Variants in EVI5 observed in about 807,000 individuals in gnomAD.
EVI5 encodes the protein ecotropic viral integration site 5.
A neutral mutation model predicts 112.0 loss-of-function variants in EVI5; 73 were observed. The observed-to-expected ratio is 0.65, with a 90% CI of 0.54 to 0.79. The LOEUF is 0.79. Among genes scored for constraint, EVI5 ranks in the 30% least tolerant of loss-of-function variants. The pLI is 0.00. For synonymous variants in EVI5, 305 were observed against 319.9 expected, an observed-to-expected ratio of 0.95 and a Z score of 0.50; for missense variants, 900 against 968.8, an observed-to-expected ratio of 0.93 and a Z score of 0.94.
chr1:92,647,302 G>T, intron 13 of EVI5: 1 of 208,536 alleles, frequency 4.8e-6, no homozygotes, highest in Admixed American at 4.2e-5. Context: ...AAAGATGCCA[G>T]GGTTTGTGGA....
At chr1:92,657,138 T>C (rs916297115) in intron 13 of EVI5, among the ~76,000 whole-genome samples, 4 of 152,084 alleles carry the variant, frequency 2.6e-5, no homozygotes, top group Non-Finnish European at 5.9e-5. Context: ...AACAAGATCC[T>C]AGCAAACCAA....
chr1:92,766,829 C>T (rs1682709582), intron 1 of EVI5, among the ~76,000 whole-genome samples: 1 of 152,160 alleles, frequency 6.6e-6, no homozygotes, highest in South Asian at 2.1e-4. Flanking sequence ...AGCCTATAAT[C>T]CCAGCACTTT....
chr1:92,576,407 T>C (rs1320227437), intron 18 of EVI5, among the ~76,000 whole-genome samples: 1 of 152,202 alleles, frequency 6.6e-6, no homozygotes, highest in African/African-American at 2.4e-5. Flanking sequence ...GACTAACCTA[T>C]AGATTTAACC....
At position 92,666,088 on chromosome 1, in the gene EVI5, T is replaced by A. The variant is rs886119407; in HGVS notation, c.1159-96A>T. ...CTGAAAATGTATCACCTTTTATAAA[T>A]AAGAAAGGAGTCTAAGGAATGATTA... On this transcript the variant is annotated intron_variant, in intron 10 of 19. Coordinates refer to ENST00000684568, the MANE Select transcript of EVI5 (RefSeq NM_001350197.2). 5.7e-5 allele frequency: 43 copies of A among 753,360 alleles called. No individual in the cohort carries two copies. In the Middle Eastern group the frequency reaches 1.9e-3, roughly 32 times the overall value. The allele number at this position is 753,360 out of a possible 1,614,324, so 46.7% of individuals were successfully genotyped here.
At chr1:92,749,223 TG>T in intron 1 of EVI5, 1 of 336,670 alleles carries the variant, frequency 3.0e-6, no homozygotes, top group Non-Finnish European at 5.9e-6. Context: ...AAGCAGCTTT[TG>T]TAGCCAGTTG....
Position 92,586,344 on chromosome 1 carries a change from C to T in EVI5, c.2070+18963G>A, listed in dbSNP as rs145400252. Among the ~76,000 whole-genome samples the T allele has an allele frequency of 1.2e-4, 19 of 152,194 alleles. No homozygotes were observed. The East Asian group carries it at 3.7e-3, about 29-fold the overall frequency. On this transcript the variant is annotated intron_variant, in intron 18 of 19. Transcript: ENST00000684568. ...GTATCTACAAAAATTATTTAGAATT[C>T]TTCTGCATATTTGTCTCTTAACTCA...
intron 18 of EVI5, among the ~76,000 whole-genome samples, chr1:92,589,040 G>A (rs1673262399): frequency 6.6e-6 from 1 of 152,050 alleles, no homozygotes; most frequent in African/African-American, 2.4e-5. Flanking sequence ...TCTAACAAAG[G>A]GTATTAGAAG....
intron 16 of EVI5, among the ~76,000 whole-genome samples, chr1:92,616,313 A>G (rs1487713607): frequency 6.6e-6 from 1 of 152,184 alleles, no homozygotes; most frequent in Non-Finnish European, 1.5e-5. Flanking sequence ...AGTATGTCAG[A>G]TCTAATGGTG....
intron 19 of EVI5, among the ~76,000 whole-genome samples, chr1:92,531,232 TAGAGA>T (rs1662814226): frequency 8.1e-6 from 1 of 124,052 alleles, no homozygotes; most frequent in Admixed American, 8.9e-5. Flanking sequence ...AAGACAAGAT[TAGAGA>T]AAAGAGAGTG....
intron 19 of EVI5, among the ~76,000 whole-genome samples, chr1:92,546,414 A>T (rs914478122): frequency 6.6e-6 from 1 of 152,144 alleles, no homozygotes; most frequent in Non-Finnish European, 1.5e-5. Flanking sequence ...ATGAAAAAAA[A>T]TAGGCTGGGC....
intron 14 of EVI5, among the ~76,000 whole-genome samples, chr1:92,631,856 T>C (rs1444402314): frequency 2.0e-5 from 3 of 152,216 alleles, no homozygotes; most frequent in Middle Eastern, 3.2e-3. Context: ...ATACGTCCCA[T>C]TGATACCTAA....
intron 1 of EVI5, chr1:92,749,240 TG>T: frequency 8.6e-6 from 3 of 350,018 alleles, no homozygotes; most frequent in Admixed American, 3.6e-5. Flanking sequence ...AGTTGCTTCC[TG>T]GGTGTTTTAC....
chr1:92,570,236 A>G (rs1670128487), intron 18 of EVI5, among the ~76,000 whole-genome samples: 1 of 152,212 alleles, frequency 6.6e-6, no homozygotes, highest in African/African-American at 2.4e-5. Context: ...TATACTTCCA[A>G]GGGGGACTAA....
intron 18 of EVI5, among the ~76,000 whole-genome samples, chr1:92,587,913 T>C (rs1010442471): frequency 1.3e-5 from 2 of 152,188 alleles, no homozygotes; most frequent in African/African-American, 4.8e-5. Flanking sequence ...ATAACCAAAA[T>C]ACAAACTCAA....
intron 10 of EVI5, among the ~76,000 whole-genome samples, chr1:92,667,270 C>A (rs1175793163): frequency 1.3e-5 from 2 of 151,824 alleles, no homozygotes; most frequent in Non-Finnish European, 2.9e-5. Flanking sequence ...GGCAACAGAG[C>A]AAGACCTTGT....
At chr1:92,731,256 G>A (rs955669329) in intron 2 of EVI5, among the ~76,000 whole-genome samples, 6 of 152,310 alleles carry the variant, frequency 3.9e-5, no homozygotes, top group African/African-American at 1.4e-4. Context: ...TCAGGAGGCA[G>A]AGGTCACAGT....
chr1:92,666,782 G>A (rs1273881666), intron 10 of EVI5, among the ~76,000 whole-genome samples: 1 of 152,048 alleles, frequency 6.6e-6, no homozygotes, highest in Non-Finnish European at 1.5e-5. Flanking sequence ...ACACTCTACA[G>A]TACATATAGA....
chr1:92,667,146 G>A (rs547066818), intron 10 of EVI5, among the ~76,000 whole-genome samples: 16 of 152,266 alleles, frequency 1.1e-4, no homozygotes, highest in East Asian at 7.7e-4. Context: ...TTAGCTGGGC[G>A]TAGTGGCATG....
At chr1:92,737,530 CAACA>C (rs1677640727) in intron 1 of EVI5, among the ~76,000 whole-genome samples, 1 of 151,976 alleles carries the variant, frequency 6.6e-6, no homozygotes, top group South Asian at 2.1e-4. Context: ...GATATGTATA[CAACA>C]AATTCAGCTG....
Sources: allele counts gnomAD v4.1 joint callset (sites outside exome capture counted in the v4.1 genomes callset), GRCh38; gene constraint gnomAD v4.1.1; transcripts MANE v1.5; gene names NCBI Gene and HGNC (gene_info 2026-07-23, HGNC 2026-07-21).